The following CPS1 variants were observed in gnomAD, a reference collection of about 807,000 sequenced individuals.
CPS1 encodes the protein carbamoyl-phosphate synthase 1.
Under a neutral mutation model 174.6 loss-of-function variants are expected in CPS1, and 109 were observed. The ratio of observed to expected loss-of-function variants is 0.62; its 90% CI spans 0.53 to 0.73. The LOEUF is 0.73. Among genes scored for constraint, CPS1 ranks in the 30% least tolerant of loss-of-function variants. The pLI, the probability that CPS1 is intolerant of heterozygous loss-of-function variation, is 0.00. For synonymous variants in CPS1, 637 were observed against 632.0 expected (o/e 1.01, Z -0.12); for missense variants, 1,689 against 1,821.9 (o/e 0.93, Z 1.33).
intron 19 of CPS1, 57 bp downstream of exon 19, chr2:210,608,616 G>T: frequency 1.3e-6 from 2 of 1,552,938 alleles, no homozygotes; most frequent in South Asian, 2.2e-5. Context: ...TGTTAAATTT[G>T]TGACACCATT....
chr2:210,541,943 G>A (rs923017416), intron 1 of CPS1, among the ~76,000 whole-genome samples: 1 of 152,046 alleles, frequency 6.6e-6, no homozygotes, highest in African/African-American at 2.4e-5. Flanking sequence ...AGTACCAACT[G>A]CTGTGGCCAC....
chr2:210,534,351 C>T (rs1283444538), intron 1 of CPS1, among the ~76,000 whole-genome samples: 2 of 152,156 alleles, frequency 1.3e-5, no homozygotes, highest in Admixed American at 1.3e-4. Flanking sequence ...ACAGTAATCA[C>T]TTCATCTCTC....
intron 13 of CPS1, among the ~76,000 whole-genome samples, chr2:210,597,547 A>T (rs1698527731): frequency 6.6e-6 from 1 of 151,830 alleles, no homozygotes; most frequent in Non-Finnish European, 1.5e-5. Flanking sequence ...AATATATTTA[A>T]TGTTTTATTC....
At chr2:210,630,584 C>G (rs573517056) in intron 21 of CPS1, among the ~76,000 whole-genome samples, 1 of 152,120 alleles carries the variant, frequency 6.6e-6, no homozygotes, top group Admixed American at 6.6e-5. Context: ...TTGCTCTGTA[C>G]AAGAAATATA....
chr2:210,674,817 T>C, intron 34 of CPS1, 85 bp from the exon 35 acceptor site: 1 of 1,093,484 alleles, frequency 9.1e-7, no homozygotes, highest in Non-Finnish European at 1.4e-6. Flanking sequence ...AACATTGTCT[T>C]TTAAGATGTT....
intron 1 of CPS1, among the ~76,000 whole-genome samples, chr2:210,529,054 C>T (rs1387127183): frequency 6.6e-6 from 1 of 151,470 alleles, no homozygotes. Context: ...GAGATGTCCC[C>T]GTTAAGATTT....
Position 210,532,556 on chromosome 2 carries a change from CT to C in CPS1, c.4-24154del, listed in dbSNP as rs138885002. 1.5e-4 allele frequency among the ~76,000 whole-genome samples: 23 copies of C among 151,034 alleles called. 1 individual carries two copies. The highest frequency in any genetic ancestry group is 1.3e-3 in the South Asian group (6 of 4,782). ...TAAGTATAGCAATAGCTAACTATGTCTTTTTTTTTAATTAAAGTTTTTTTAG... is the reference window on the plus strand; with the variant it reads ...TAAGTATAGCAATAGCTAACTATGTCTTTTTTTTAATTAAAGTTTTTTTAG... On this transcript the variant is annotated intron_variant, in intron 1 of 38. Transcript: ENST00000430249.
At chr2:210,622,277 T>C (rs1356089706) in intron 21 of CPS1, among the ~76,000 whole-genome samples, 5 of 151,728 alleles carry the variant, frequency 3.3e-5, no homozygotes, top group Non-Finnish European at 7.4e-5. Context: ...ATACCATAGA[T>C]GACTGCTTAA....
At chr2:210,654,350 C>T (rs1211623330) in intron 29 of CPS1, among the ~76,000 whole-genome samples, 2 of 152,178 alleles carry the variant, frequency 1.3e-5, no homozygotes, top group South Asian at 2.1e-4. Context: ...ATCCTGTACT[C>T]ATCATTCCTT....
intron 31 of CPS1, among the ~76,000 whole-genome samples, chr2:210,659,696 A>C (rs1283574316): frequency 6.6e-6 from 1 of 152,196 alleles, no homozygotes; most frequent in Non-Finnish European, 1.5e-5. Flanking sequence ...AAAATACTGT[A>C]ATTTAGTGAA....
chr2:210,579,867 T>C (rs1389526310), intron 5 of CPS1, 97 bp downstream of exon 5: 1 of 993,432 alleles, frequency 1.0e-6, no homozygotes, highest in Non-Finnish European at 1.6e-6. Context: ...GATCCATTAA[T>C]ATGTAAAGGA....
At chr2:210,591,784 C>G (rs1433926593) in intron 9 of CPS1, 47 bp from the exon 10 acceptor site, 2 of 1,590,686 alleles carry the variant, frequency 1.3e-6, no homozygotes, top group Non-Finnish European at 1.7e-6. Flanking sequence ...TTATATTATT[C>G]TCTTCACTTT....
intron 1 of CPS1, among the ~76,000 whole-genome samples, chr2:210,494,544 G>T (rs1357015678): frequency 6.6e-6 from 1 of 152,176 alleles, no homozygotes; most frequent in Admixed American, 6.5e-5. Context: ...CGGCCCTATT[G>T]TCAAGATTTG....
intron 28 of CPS1, among the ~76,000 whole-genome samples, chr2:210,651,964 T>C (rs959236252): frequency 3.3e-5 from 5 of 152,198 alleles, no homozygotes; most frequent in African/African-American, 1.2e-4. Flanking sequence ...ATAATTACAA[T>C]TAAATATGAT....
At chr2:210,621,025 G>A (rs1699505628) in intron 21 of CPS1, among the ~76,000 whole-genome samples, 1 of 152,022 alleles carries the variant, frequency 6.6e-6, no homozygotes, top group Non-Finnish European at 1.5e-5. Flanking sequence ...TACCAGCTTA[G>A]GTAATAACCA....
At chr2:210,588,203 C>G in intron 7 of CPS1, 56 bp downstream of exon 7, 1 of 1,438,922 alleles carries the variant, frequency 6.9e-7, no homozygotes, top group South Asian at 1.1e-5. Context: ...CATTAGTGTT[C>G]AGCTAATTTC....
At chr2:210,517,123 A>T (rs1382376674) in intron 1 of CPS1, among the ~76,000 whole-genome samples, 1 of 151,932 alleles carries the variant, frequency 6.6e-6, no homozygotes, top group East Asian at 1.9e-4. Context: ...TTCATAAAGG[A>T]CCTTATAATT....
At chr2:210,619,737 T>C (rs1355438179) in intron 21 of CPS1, 1 of 152,102 alleles carries the variant, frequency 6.6e-6, no homozygotes, top group Non-Finnish European at 1.5e-5. Flanking sequence ...TACTCTACAG[T>C]TGTTAATCAA....
intron 6 of CPS1, 29 bp downstream of exon 6, chr2:210,582,738 T>C: frequency 6.6e-7 from 1 of 1,511,208 alleles, no homozygotes; most frequent in Non-Finnish European, 9.2e-7. Context: ...TATTTTGTAG[T>C]TTTATTTGAT....
Sources: allele counts gnomAD v4.1 joint callset (sites outside exome capture counted in the v4.1 genomes callset), GRCh38; gene constraint gnomAD v4.1.1; transcripts MANE v1.5; gene names NCBI Gene and HGNC (gene_info 2026-07-23, HGNC 2026-07-21).